IGSF21: variants seen among roughly 807,000 people sequenced by gnomAD.
IGSF21 encodes the protein immunoglobin superfamily member 21, also known as immunoglobulin superfamily member 21.
Under a neutral mutation model 46.8 loss-of-function variants are expected in IGSF21, and 28 were observed. The observed-to-expected ratio is 0.60, with a 90% CI of 0.44 to 0.82. IGSF21 has a LOEUF of 0.82. Ranked by LOEUF, IGSF21 falls within the 40% of genes least tolerant of loss-of-function variation. The probability of loss-of-function intolerance (pLI) is 0.00; values close to 1 mark genes in which losing one functional copy is unlikely to be tolerated. For missense variants in IGSF21, 624 were observed against 665.5 expected, an observed-to-expected ratio of 0.94 and a Z score of 0.69; for synonymous variants, 284 against 273.6, an observed-to-expected ratio of 1.04 and a Z score of -0.38.
chr1:18,149,950 T>C (rs545518577), intron 1 of IGSF21, among the ~76,000 whole-genome samples: 148 of 152,272 alleles, frequency 9.7e-4, no homozygotes, highest in Non-Finnish European at 1.6e-3. Context: ...ATTTATTCAG[T>C]AGCAAGAATG....
At chr1:18,309,949 G>C (rs1329676772) in intron 3 of IGSF21, among the ~76,000 whole-genome samples, 1 of 152,178 alleles carries the variant, frequency 6.6e-6, no homozygotes, top group East Asian at 1.9e-4. Flanking sequence ...ACGAGGCCCT[G>C]GGGGGTGCAT....
At chr1:18,331,726 T>C (rs932359001) in intron 3 of IGSF21, among the ~76,000 whole-genome samples, 1 of 152,196 alleles carries the variant, frequency 6.6e-6, no homozygotes, top group African/African-American at 2.4e-5. Context: ...TTACCAGGGA[T>C]AGAAAGCCCA....
chr1:18,366,529 A>C (rs2124633753), intron 6 of IGSF21, among the ~76,000 whole-genome samples: 1 of 152,324 alleles, frequency 6.6e-6, no homozygotes, highest in South Asian at 2.1e-4. Context: ...CAGTGAGCTC[A>C]GAGGACAGTT....
rs143511361 is a variant in IGSF21 at position 18,344,443 on chromosome 1, G to C, written c.424+9433G>C. On this transcript the variant is annotated intron_variant, in intron 4 of 9. Transcript: ENST00000251296. Reference sequence around the variant, plus strand: ...ACTATACCTCCAAGTGAGCTAAGGAGATCTGAGGGCTGAGGGCAGACCTCA... The same window carrying C: ...ACTATACCTCCAAGTGAGCTAAGGACATCTGAGGGCTGAGGGCAGACCTCA... Among the ~76,000 whole-genome samples, 8 of 152,266 alleles carry C rather than the reference G, an allele frequency of 5.3e-5. No homozygotes were observed. The East Asian group carries it at 1.5e-3, about 29-fold the overall frequency.
chr1:18,168,897 C>T (rs2086706914), intron 1 of IGSF21, among the ~76,000 whole-genome samples: 1 of 152,154 alleles, frequency 6.6e-6, no homozygotes, highest in Admixed American at 6.5e-5. Context: ...GGTTCTGGGG[C>T]CGGAGGGGAG....
intron 2 of IGSF21, among the ~76,000 whole-genome samples, chr1:18,244,547 C>T (rs745849644): frequency 9.2e-5 from 14 of 152,234 alleles, no homozygotes; most frequent in Non-Finnish European, 1.9e-4. Context: ...AGTCCAGCTG[C>T]ATTGCTGACC....
At chr1:18,116,846 T>G (rs2086193590) in intron 1 of IGSF21, among the ~76,000 whole-genome samples, 1 of 151,990 alleles carries the variant, frequency 6.6e-6, no homozygotes, top group African/African-American at 2.4e-5. Flanking sequence ...TCAGGAGTGG[T>G]TTCCAGGCAG....
chr1:18,195,985 A>C (rs2087003824), intron 1 of IGSF21, among the ~76,000 whole-genome samples: 1 of 152,186 alleles, frequency 6.6e-6, no homozygotes, highest in East Asian at 1.9e-4. Context: ...CAAAAGCGAG[A>C]GCTCAGCCTT....
rs2086107805 is a variant in IGSF21 at position 18,108,076 on chromosome 1, C to A, written c.-53C>A. Reference sequence around the variant, plus strand: ...CTGAGCCCATGGCGAGGGGACCCGCCGCCACCGCCTCCACCCCCGCCGCCC... The same window carrying A: ...CTGAGCCCATGGCGAGGGGACCCGCAGCCACCGCCTCCACCCCCGCCGCCC... On this transcript the variant is annotated 5_prime_UTR_variant, in exon 1 of 10. Transcript: ENST00000251296. 2.3e-6 allele frequency: 2 copies of A among 888,060 alleles called. No individual in the cohort carries two copies. The highest frequency in any genetic ancestry group is 1.8e-5 in the African/African-American group (1 of 55,914). The allele number at this position is 888,060 out of a possible 1,614,324, so 55.0% of individuals were successfully genotyped here.
intron 1 of IGSF21, among the ~76,000 whole-genome samples, chr1:18,208,167 G>A (rs1360292084): frequency 6.6e-6 from 1 of 151,594 alleles, no homozygotes; most frequent in Non-Finnish European, 1.5e-5. Context: ...AGGGCCCCTG[G>A]GAGGAAGGGA....
chr1:18,189,715 C>T (rs930923491), intron 1 of IGSF21, among the ~76,000 whole-genome samples: 7 of 152,028 alleles, frequency 4.6e-5, no homozygotes, highest in Non-Finnish European at 8.8e-5. Flanking sequence ...AATCGAATGC[C>T]GCTGCTGATC....
chr1:18,145,272 C>T (rs1373038022), intron 1 of IGSF21, among the ~76,000 whole-genome samples: 3 of 152,104 alleles, frequency 2.0e-5, no homozygotes, highest in Non-Finnish European at 4.4e-5. Context: ...TGTTCCCTGA[C>T]CCTTGTGTGG....
At chr1:18,146,148 G>A (rs1214947085) in intron 1 of IGSF21, among the ~76,000 whole-genome samples, 1 of 152,190 alleles carries the variant, frequency 6.6e-6, no homozygotes, top group African/African-American at 2.4e-5. Context: ...AAGGAAACAG[G>A]CAGAGAGGGA....
chr1:18,305,500 G>A (rs1012326585), intron 3 of IGSF21, among the ~76,000 whole-genome samples: 1 of 143,908 alleles, frequency 6.9e-6, no homozygotes, highest in Non-Finnish European at 1.5e-5. Context: ...ATGGATGGAT[G>A]GATGGATGGA....
At chr1:18,229,622 G>A (rs1436468062) in intron 2 of IGSF21, among the ~76,000 whole-genome samples, 1 of 152,124 alleles carries the variant, frequency 6.6e-6, no homozygotes, top group East Asian at 1.9e-4. Context: ...AGGTAGCCTG[G>A]GCTTCACAGG....
intron 1 of IGSF21, among the ~76,000 whole-genome samples, chr1:18,134,417 T>A (rs569636127): frequency 6.6e-6 from 1 of 152,262 alleles, no homozygotes; most frequent in African/African-American, 2.4e-5. Context: ...TAACCAGCCC[T>A]TTCCTCCTCT....
intron 3 of IGSF21, among the ~76,000 whole-genome samples, chr1:18,327,738 G>A (rs1037299775): frequency 6.6e-6 from 1 of 152,144 alleles, no homozygotes; most frequent in Non-Finnish European, 1.5e-5. Flanking sequence ...AGGATGAGGG[G>A]CATAGATTAT....
chr1:18,378,124 C>A, intron 9 of IGSF21, 132 bp from the exon 10 acceptor site: 1 of 675,200 alleles, frequency 1.5e-6, no homozygotes, highest in Non-Finnish European at 2.6e-6. Context: ...GGCCAGGTGG[C>A]AGAGCTGGGC....
At chr1:18,231,961 G>GTGTGTGTGTGTGTGTGTGTGTGTGT (rs71018066) in intron 2 of IGSF21, among the ~76,000 whole-genome samples, 2 of 148,134 alleles carry the variant, frequency 1.4e-5, no homozygotes, top group Non-Finnish European at 3.0e-5. Context: ...GTGTGTGTGT[G>GTGTGTGTGTGTGTGTGTGTGTGTGT]GTGAGGGAGG....
Sources: allele counts gnomAD v4.1 joint callset (sites outside exome capture counted in the v4.1 genomes callset), GRCh38; gene constraint gnomAD v4.1.1; transcripts MANE v1.5; gene names NCBI Gene and HGNC (gene_info 2026-07-23, HGNC 2026-07-21).